Variants in MAGI3 observed in about 807,000 individuals in gnomAD.
The protein encoded by MAGI3 is membrane associated guanylate kinase, WW and PDZ domain containing 3, also known as membrane-associated guanylate kinase, WW and PDZ domain-containing protein 3.
A neutral mutation model predicts 121.8 loss-of-function variants in MAGI3; 43 were observed. The observed-to-expected ratio is 0.35, with a 90% CI of 0.28 to 0.46. The LOEUF (loss-of-function observed/expected upper bound fraction) is 0.46, where lower values mean the gene tolerates loss of function less well. Among genes scored for constraint, MAGI3 ranks in the 20% least tolerant of loss-of-function variants. The probability of loss-of-function intolerance (pLI) is 1.00; values close to 1 mark genes in which losing one functional copy is unlikely to be tolerated. For synonymous variants in MAGI3, 553 were observed against 639.3 expected (o/e 0.86, Z 2.04); for missense variants, 1,547 against 1,797.3 (o/e 0.86, Z 2.52).
chr1:113,447,430 C>T (rs1654228710), intron 1 of MAGI3, among the ~76,000 whole-genome samples: 2 of 152,322 alleles, frequency 1.3e-5, no homozygotes, highest in South Asian at 4.1e-4. Flanking sequence ...GGGCACAGCC[C>T]TCATGGGCTA....
At chr1:113,459,905 C>T (rs1055189107) in intron 1 of MAGI3, among the ~76,000 whole-genome samples, 1 of 152,144 alleles carries the variant, frequency 6.6e-6, no homozygotes, top group Admixed American at 6.5e-5. Flanking sequence ...AAGGACTCCT[C>T]CACAACTTAT....
At chr1:113,596,580 G>A (rs1301110682) in intron 6 of MAGI3, among the ~76,000 whole-genome samples, 1 of 152,072 alleles carries the variant, frequency 6.6e-6, no homozygotes, top group African/African-American at 2.4e-5. Context: ...ATATATATTT[G>A]CCAAAGGAAT....
At chr1:113,598,487 G>T (rs971380434) in intron 6 of MAGI3, among the ~76,000 whole-genome samples, 9 of 151,770 alleles carry the variant, frequency 5.9e-5, no homozygotes, top group African/African-American at 2.2e-4. Context: ...AGTGGAAAAA[G>T]ATATTTCACA....
chr1:113,577,410 GTA>G (rs1647721070), intron 2 of MAGI3, among the ~76,000 whole-genome samples: 1 of 152,038 alleles, frequency 6.6e-6, no homozygotes, highest in Admixed American at 6.6e-5. Flanking sequence ...TGGAGACTGT[GTA>G]TGGCTCCAAA....
chr1:113,523,593 T>C (rs1001932330), intron 1 of MAGI3, among the ~76,000 whole-genome samples: 1 of 152,172 alleles, frequency 6.6e-6, no homozygotes, highest in African/African-American at 2.4e-5. Context: ...AGATTTGTGG[T>C]ACTTTGAACT....
intron 1 of MAGI3, among the ~76,000 whole-genome samples, chr1:113,444,320 C>G (rs1654062343): frequency 6.6e-6 from 1 of 152,162 alleles, no homozygotes; most frequent in Non-Finnish European, 1.5e-5. Context: ...TGTTGTATAC[C>G]TACCCCCATT....
chr1:113,496,932 T>C (rs1656944943), intron 1 of MAGI3, among the ~76,000 whole-genome samples: 1 of 152,150 alleles, frequency 6.6e-6, no homozygotes. Context: ...CTGACTTGCA[T>C]ATTATATTAT....
chr1:113,520,558 G>C lies in MAGI3; in HGVS notation c.317-28957G>C, dbSNP rs148065610. 1.2e-3 allele frequency among the ~76,000 whole-genome samples: 182 copies of C among 151,670 alleles called. 1 individual carries two copies. The highest frequency in any genetic ancestry group is 4.2e-3 in the African/African-American group (173 of 41,304). On this transcript the variant is annotated intron_variant, in intron 1 of 20. Coordinates refer to ENST00000307546, the MANE Select transcript of MAGI3 (RefSeq NM_001142782.2). ...CACGGACACTGCTATGTAATCTTAGGGCTTTTTTTTAAAAAAAATTTTAGT... is the reference window on the plus strand; with the variant it reads ...CACGGACACTGCTATGTAATCTTAGCGCTTTTTTTTAAAAAAAATTTTAGT...
At chr1:113,585,761 C>T (rs550995156) in intron 4 of MAGI3, among the ~76,000 whole-genome samples, 165 bp downstream of exon 4, 1 of 152,018 alleles carries the variant, frequency 6.6e-6, no homozygotes, top group Non-Finnish European at 1.5e-5. Flanking sequence ...TTCTGTAGAC[C>T]ATCCTATAAG....
intron 1 of MAGI3, among the ~76,000 whole-genome samples, chr1:113,411,340 T>A (rs1651967215): frequency 6.6e-6 from 1 of 152,090 alleles, no homozygotes; most frequent in African/African-American, 2.4e-5. Flanking sequence ...ATCCATAAAA[T>A]GCCTTATTGT....
rs1283386611 is a variant in MAGI3 at position 113,685,078 on chromosome 1, T to C, written c.*1064T>C. 2 of 152,384 alleles carry C rather than the reference T, an allele frequency of 1.3e-5. No homozygotes were observed. The highest frequency in any genetic ancestry group is 4.8e-5 in the African/African-American group (2 of 41,458). 9.4% of individuals were successfully genotyped at this position (152,384 alleles called of 1,614,324 possible). A position where few individuals can be genotyped will look rare whatever the true frequency, so the allele number is the denominator to read the frequency against. ...GTTTAAAAACAACCTGTGTAGGGTATGCCCAGCAAATGAGGACAAATGTGT... is the reference window on the plus strand; with the variant it reads ...GTTTAAAAACAACCTGTGTAGGGTACGCCCAGCAAATGAGGACAAATGTGT... On this transcript the variant is annotated 3_prime_UTR_variant, in exon 21 of 21. Coordinates refer to ENST00000307546, the MANE Select transcript of MAGI3 (RefSeq NM_001142782.2).
chr1:113,533,208 A>G (rs1019701097), intron 1 of MAGI3, among the ~76,000 whole-genome samples: 1 of 152,194 alleles, frequency 6.6e-6, no homozygotes, highest in African/African-American at 2.4e-5. Context: ...TGAAGAAAAA[A>G]ATAAAAGAAA....
chr1:113,567,384 A>G (rs1477047330), intron 2 of MAGI3, among the ~76,000 whole-genome samples: 3 of 152,102 alleles, frequency 2.0e-5, no homozygotes, highest in Admixed American at 6.6e-5. Flanking sequence ...AAATTCTTCC[A>G]GTGAACGGAA....
chr1:113,638,880 C>T (rs1450386069), intron 9 of MAGI3, among the ~76,000 whole-genome samples: 3 of 152,254 alleles, frequency 2.0e-5, no homozygotes, highest in African/African-American at 4.8e-5. Context: ...CTGTGGTGGG[C>T]TCCACCCAGT....
chr1:113,670,830 A>T (rs1357957405), intron 16 of MAGI3, among the ~76,000 whole-genome samples: 2 of 152,262 alleles, frequency 1.3e-5, no homozygotes, highest in African/African-American at 4.8e-5. Context: ...TTTTCTCAAG[A>T]ACACACAGCT....
chr1:113,635,983 A>G (rs1651991709), intron 9 of MAGI3, among the ~76,000 whole-genome samples: 1 of 151,988 alleles, frequency 6.6e-6, no homozygotes, highest in Non-Finnish European at 1.5e-5. Flanking sequence ...GAATGTATCC[A>G]TTTCTTCTAG....
intron 1 of MAGI3, among the ~76,000 whole-genome samples, chr1:113,399,393 G>T (rs146005410): frequency 1.0e-3 from 152 of 152,218 alleles, no homozygotes; most frequent in African/African-American, 3.4e-3. Flanking sequence ...ACGTAAGGGA[G>T]GGGGAGTTCC....
intron 9 of MAGI3, among the ~76,000 whole-genome samples, chr1:113,625,174 C>T (rs1416115203): frequency 6.6e-6 from 1 of 152,100 alleles, no homozygotes; most frequent in Non-Finnish European, 1.5e-5. Context: ...TTTGGCTATT[C>T]TGGGTCTTTT....
intron 3 of MAGI3, 44 bp from the exon 4 acceptor site, chr1:113,585,343 C>T (rs538722639): frequency 8.3e-6 from 13 of 1,569,626 alleles, no homozygotes; most frequent in South Asian, 2.2e-5. Context: ...CTCTGACTCT[C>T]ACTGCAACAT....
Sources: allele counts gnomAD v4.1 joint callset (sites outside exome capture counted in the v4.1 genomes callset), GRCh38; gene constraint gnomAD v4.1.1; transcripts MANE v1.5; gene names NCBI Gene and HGNC (gene_info 2026-07-23, HGNC 2026-07-21).